The following RARB variants were observed in gnomAD, a reference collection of about 807,000 sequenced individuals.
RARB encodes the protein retinoic acid receptor beta.
A neutral mutation model predicts 51.9 loss-of-function variants in RARB; 17 were observed. The ratio of observed to expected loss-of-function variants is 0.33; its 90% CI spans 0.22 to 0.49. The LOEUF is 0.49. Among genes scored for constraint, RARB ranks in the 20% least tolerant of loss-of-function variants. The pLI is 0.99. For missense variants in RARB, 369 were observed against 550.8 expected (o/e 0.67, Z 3.30); for synonymous variants, 215 against 195.4 (o/e 1.10, Z -0.84).
intron 4 of RARB, among the ~76,000 whole-genome samples, chr3:25,576,595 G>A (rs1444067198): frequency 6.6e-6 from 1 of 152,176 alleles, no homozygotes; most frequent in Admixed American, 6.5e-5. Flanking sequence ...CCAGGAGCAC[G>A]CCTGAAACGT....
intron 2 of RARB, among the ~76,000 whole-genome samples, chr3:25,008,152 C>A (rs4572733): frequency 0.33 from 49,875 of 152,006 alleles, 10,203 homozygotes; most frequent in African/African-American, 0.58. Flanking sequence ...AAGCTGATGT[C>A]TGACTCATAA....
intron 5 of RARB, among the ~76,000 whole-genome samples, chr3:25,241,055 G>C (rs941334277): frequency 1.3e-5 from 2 of 152,118 alleles, no homozygotes; most frequent in Non-Finnish European, 2.9e-5. Context: ...TTAAGTCTAA[G>C]TAGATTGCAT....
intron 2 of RARB, among the ~76,000 whole-genome samples, chr3:25,473,930 A>AAAAAAAAAAAG: frequency 6.6e-6 from 1 of 151,562 alleles, no homozygotes; most frequent in South Asian, 2.1e-4. Flanking sequence ...GGAAAAAAAA[A>AAAAAAAAAAAG]AAACCTTTAT....
intron 5 of RARB, among the ~76,000 whole-genome samples, chr3:25,377,442 A>G (rs1260338932): frequency 6.6e-6 from 1 of 152,222 alleles, no homozygotes; most frequent in South Asian, 2.1e-4. Flanking sequence ...TGGGCATGGC[A>G]CTGTGTAGGT....
At chr3:25,096,291 T>G (rs1699291137) in intron 3 of RARB, among the ~76,000 whole-genome samples, 1 of 152,064 alleles carries the variant, frequency 6.6e-6, no homozygotes, top group Non-Finnish European at 1.5e-5. Context: ...GAGGAGTTAA[T>G]GGAATATAAT....
chr3:25,488,245 G>C (rs1696563427), intron 2 of RARB, among the ~76,000 whole-genome samples: 1 of 152,168 alleles, frequency 6.6e-6, no homozygotes, highest in African/African-American at 2.4e-5. Flanking sequence ...TTATTCATTT[G>C]AGAAAACTCT....
intron 3 of RARB, chr3:25,555,687 C>T (rs772299712): frequency 6.6e-6 from 1 of 152,162 alleles, no homozygotes; most frequent in Non-Finnish European, 1.5e-5. Context: ...TAACTGCCTT[C>T]CCCCTAGATC....
At chr3:25,195,891 T>A (rs2125366795) in intron 5 of RARB, among the ~76,000 whole-genome samples, 1 of 152,098 alleles carries the variant, frequency 6.6e-6, no homozygotes, top group East Asian at 1.9e-4. Flanking sequence ...ATCTGTTAAT[T>A]TCCTGGAATC....
In RARB at chr3:25,449,491, C is replaced by A. The variant is rs112954300; in HGVS notation, c.158-11702C>A. 7.0e-4 allele frequency among the ~76,000 whole-genome samples: 106 copies of A among 151,962 alleles called. 1 individual carries two copies. Among genetic ancestry groups the A allele is most frequent in the African/African-American group, 2.4e-3 (98 of 41,410 alleles). On this transcript the variant is annotated intron_variant, in intron 1 of 7. Coordinates refer to ENST00000330688, the MANE Select transcript of RARB (RefSeq NM_000965.5). Reference sequence around the variant, plus strand: ...GTCTGTCTGTCTGACTTAGACGTACCCTGCATACTCTAAAACTTCCTGCCA... The same window carrying A: ...GTCTGTCTGTCTGACTTAGACGTACACTGCATACTCTAAAACTTCCTGCCA...
At chr3:25,174,790 G>A (rs1700711539) in intron 5 of RARB, among the ~76,000 whole-genome samples, 1 of 152,174 alleles carries the variant, frequency 6.6e-6, no homozygotes. Flanking sequence ...AGCTGCTTTG[G>A]TATTTTGCTC....
chr3:25,596,588 G>C lies in RARB; in HGVS notation c.1319G>C (p.Gly440Ala), dbSNP rs1701844458. Residue 440 changes from glycine to alanine, a missense_variant, in exon 8 of 8, where the codon GGG (glycine) becomes GCG (alanine). Gly to Ala is a moderately conservative substitution (Grantham distance 60). Around this residue, in one of 9 missense-constraint regions of RARB, gnomAD observed 54 missense variants for 43.4 expected, o/e 1.24. Transcript: ENST00000330688. ...TCACCCAGCTCAGTGGAAAACAGTGGGGTCAGTCAGTCACCACTCGTGCAA... is the reference window on the plus strand; with the variant it reads ...TCACCCAGCTCAGTGGAAAACAGTGCGGTCAGTCAGTCACCACTCGTGCAA... ...SISPSSVENS[G>A]VSQSPLVQ The C allele has an allele frequency of 6.2e-7, 1 of 1,609,722 alleles. No homozygotes were observed. The highest frequency in any genetic ancestry group is 8.5e-7 in the Non-Finnish European group (1 of 1,177,008).
chr3:25,175,229 G>A (rs1348796142), intron 5 of RARB, among the ~76,000 whole-genome samples: 3 of 152,140 alleles, frequency 2.0e-5, no homozygotes, highest in African/African-American at 7.2e-5. Context: ...TCTATATTGT[G>A]CAATTTTTAG....
At chr3:24,916,153 G>C (rs1695101797) in intron 2 of RARB, among the ~76,000 whole-genome samples, 1 of 152,086 alleles carries the variant, frequency 6.6e-6, no homozygotes, top group Non-Finnish European at 1.5e-5. Flanking sequence ...GTCTGAGCTG[G>C]AAAAAAGACT....
intron 5 of RARB, among the ~76,000 whole-genome samples, chr3:25,399,126 G>A (rs1707198466): frequency 3.3e-5 from 5 of 152,150 alleles, no homozygotes; most frequent in Admixed American, 3.3e-4. Flanking sequence ...CCTGATCCAG[G>A]AGGACACAGG....
rs138782972 is a variant in RARB, at chr3:25,192,538, C to A, written c.178+17963C>A. ...CTATTTATTAATTTAACATTTAGTA[C>A]TGCTCTTTACTCATCGTGTTTTCCA... On this transcript the variant is annotated intron_variant, in intron 5 of 11. Transcript: ENST00000383772. Among the ~76,000 whole-genome samples the A allele has an allele frequency of 2.2e-3, 336 of 152,168 alleles. 2 individuals are homozygous for A. Among genetic ancestry groups the A allele is most frequent in the East Asian group, 0.02 (105 of 5,176 alleles).
intron 3 of RARB, among the ~76,000 whole-genome samples, chr3:25,520,329 T>G (rs1190687723): frequency 6.6e-6 from 1 of 152,212 alleles, no homozygotes; most frequent in Non-Finnish European, 1.5e-5. Flanking sequence ...AGCTACTCAG[T>G]AGTTACATGC....
At chr3:25,018,820 C>T (rs1697568934) in intron 2 of RARB, among the ~76,000 whole-genome samples, 1 of 152,148 alleles carries the variant, frequency 6.6e-6, no homozygotes, top group Non-Finnish European at 1.5e-5. Context: ...ATTATATTGC[C>T]TTACAATAGC....
At chr3:24,938,255 C>A (rs11710017) in intron 2 of RARB, among the ~76,000 whole-genome samples, 93,141 of 151,922 alleles carry the variant, frequency 0.61, 30,840 homozygotes, top group African/African-American at 0.87. Context: ...TGGCAATTTT[C>A]TATCTACAAT....
intron 3 of RARB, among the ~76,000 whole-genome samples, chr3:25,562,992 T>G (rs936760082): frequency 2.6e-5 from 4 of 152,238 alleles, no homozygotes; most frequent in Admixed American, 1.3e-4. Context: ...ATAACTTCTT[T>G]GAATAATTTT....
Sources: gnomAD v4.1 joint callset for allele counts (sites outside exome capture counted in the v4.1 genomes callset) on GRCh38, gnomAD v4.1.1 for gene constraint, gnomAD v4.1.1 regional missense constraint, MANE v1.5 for transcripts, NCBI Gene and HGNC (gene_info 2026-07-23, HGNC 2026-07-21) for gene names.